The following CDH1 variants were observed in gnomAD, a reference collection of about 807,000 sequenced individuals.
CDH1 encodes the protein cadherin-1.
Under a neutral mutation model 84.5 loss-of-function variants are expected in CDH1, and 35 were observed. The observed-to-expected ratio is 0.41, with a 90% CI of 0.32 to 0.55. The LOEUF is 0.55. Among genes scored for constraint, CDH1 ranks in the 20% least tolerant of loss-of-function variants. CDH1 has a pLI of 0.19. For synonymous variants in CDH1, 417 were observed against 439.0 expected (o/e 0.95, Z 0.63); for missense variants, 994 against 1,126.6 (o/e 0.88, Z 1.68).
At chr16:68,808,356 TG>T (rs2152129482) in intron 3 of CDH1, 67 bp from the exon 4 acceptor site, 3 of 1,551,990 alleles carry the variant, frequency 1.9e-6, no homozygotes, top group Non-Finnish European at 2.7e-6. Context: ...CTGGCTAGGT[TG>T]GACTGTTAGA....
intron 2 of CDH1, among the ~76,000 whole-genome samples, chr16:68,793,679 G>A (rs1048883891): frequency 2.6e-5 from 4 of 152,196 alleles, no homozygotes; most frequent in South Asian, 2.1e-4. Context: ...ATCACCTGAG[G>A]CCAGGAGTTT....
intron 8 of CDH1, 50 bp from the exon 9 acceptor site, chr16:68,813,263 C>T (rs2152133207): frequency 5.7e-6 from 9 of 1,581,824 alleles, no homozygotes; most frequent in Non-Finnish European, 7.8e-6. Flanking sequence ...AGACTCAGCT[C>T]TGCTAGCAGT....
chr16:68,779,640 C>T (rs1452084854), intron 2 of CDH1, among the ~76,000 whole-genome samples: 1 of 152,160 alleles, frequency 6.6e-6, no homozygotes, highest in Non-Finnish European at 1.5e-5. Context: ...AGGAGGATCA[C>T]AAAGTCAAGA....
intron 2 of CDH1, among the ~76,000 whole-genome samples, chr16:68,791,176 A>G (rs1183847625): frequency 1.3e-5 from 2 of 152,154 alleles, no homozygotes; most frequent in African/African-American, 2.4e-5. Context: ...GTATGCACAC[A>G]GTAGGTGTGC....
At chr16:68,777,247 G>A (rs925342660) in intron 2 of CDH1, among the ~76,000 whole-genome samples, 10 of 152,206 alleles carry the variant, frequency 6.6e-5, no homozygotes, top group African/African-American at 2.2e-4. Context: ...CAGACGGCCT[G>A]TGCTTGCTCG....
intron 13 of CDH1, 144 bp downstream of exon 13, chr16:68,823,770 A>G (rs966150238): frequency 2.2e-5 from 14 of 649,872 alleles, no homozygotes; most frequent in Non-Finnish European, 3.2e-5. Flanking sequence ...GCCAGCCTCC[A>G]TAAAATAGAA....
intron 12 of CDH1, 72 bp downstream of exon 12, chr16:68,822,297 T>G: frequency 9.8e-7 from 1 of 1,021,690 alleles, no homozygotes; most frequent in Non-Finnish European, 1.5e-6. Flanking sequence ...ATCCCCACCT[T>G]TCAATTTCCC....
chr16:68,818,849 C>CAAA (rs758115524), intron 10 of CDH1, among the ~76,000 whole-genome samples: 2,022 of 72,406 alleles, frequency 0.028, 37 homozygotes, highest in East Asian at 0.079. Context: ...GACTCCGTCT[C>CAAA]AAAAAAAAAA....
chr16:68,829,568 C>A (rs1487850724), intron 14 of CDH1, 86 bp from the exon 15 acceptor site: 1 of 1,341,060 alleles, frequency 7.5e-7, no homozygotes, highest in Non-Finnish European at 1.1e-6. Flanking sequence ...CATCATCCAA[C>A]CATAATCTAT....
intron 2 of CDH1, among the ~76,000 whole-genome samples, chr16:68,782,509 C>T (rs1288939700): frequency 6.6e-6 from 1 of 152,202 alleles, no homozygotes; most frequent in Non-Finnish European, 1.5e-5. Flanking sequence ...GAAGTTAACA[C>T]AGCTAGTCAG....
At chr16:68,769,925 C>T (rs1373749643) in intron 2 of CDH1, among the ~76,000 whole-genome samples, 3 of 151,332 alleles carry the variant, frequency 2.0e-5, no homozygotes, top group Non-Finnish European at 2.9e-5. Context: ...TCATGATCTG[C>T]CCACCTCGGC....
At chr16:68,750,912 C>T (rs966893939) in intron 2 of CDH1, among the ~76,000 whole-genome samples, 1 of 151,946 alleles carries the variant, frequency 6.6e-6, no homozygotes, top group Non-Finnish European at 1.5e-5. Flanking sequence ...GCTATATTGC[C>T]CAGACTGGTC....
At chr16:68,791,131 C>T (rs892228370) in intron 2 of CDH1, among the ~76,000 whole-genome samples, 1 of 152,108 alleles carries the variant, frequency 6.6e-6, no homozygotes, top group Non-Finnish European at 1.5e-5. Flanking sequence ...GTGGCTGGAT[C>T]TTCAGTACTA....
chr16:68,831,069 CTTTTTTT>C (rs1157074539), intron 15 of CDH1, among the ~76,000 whole-genome samples: 12 of 80,288 alleles, frequency 1.5e-4, no homozygotes, highest in South Asian at 8.9e-4. Context: ...CTTTAGCTTT[CTTTTTTT>C]TTTTTTTTTT....
chr16:68,761,603 A>G (rs762063779), intron 2 of CDH1, among the ~76,000 whole-genome samples: 9 of 152,194 alleles, frequency 5.9e-5, no homozygotes, highest in Admixed American at 2.0e-4. Flanking sequence ...TATTTAGAGC[A>G]CTGAGTGGAG....
intron 2 of CDH1, chr16:68,771,016 G>C (rs1046712527): frequency 1.3e-5 from 2 of 151,592 alleles, no homozygotes; most frequent in African/African-American, 4.8e-5. Flanking sequence ...TTCCCCGCCA[G>C]TGGAGGAGGC....
At position 68,786,220 on chromosome 16, in the gene CDH1, G is replaced by A. The variant is rs930275819; in HGVS notation, c.164-15450G>A. On this transcript the variant is annotated intron_variant, in intron 2 of 15. Coordinates refer to ENST00000261769, the MANE Select transcript of CDH1 (RefSeq NM_004360.5). ...AGAGTCTTGCTCTGTCGCCCAGGCC[G>A]GAGTGCAGTGATGCGATATTGGCTC... 9.2e-5 allele frequency among the ~76,000 whole-genome samples: 14 copies of A among 151,740 alleles called. No homozygotes were observed. The East Asian group carries it at 9.6e-4, about 10-fold the overall frequency.
chr16:68,763,379 C>A (rs991061793), intron 2 of CDH1: 1 of 152,234 alleles, frequency 6.6e-6, no homozygotes, highest in Non-Finnish European at 1.5e-5. Context: ...GGGACAGGAG[C>A]CTTGGGAGTG....
chr16:68,808,601 G>A (rs1213849763), intron 4 of CDH1, 34 bp downstream of exon 4: 1 of 1,613,814 alleles, frequency 6.2e-7, no homozygotes, highest in Non-Finnish European at 8.5e-7. Context: ...CTCTGGGAGG[G>A]ATTTGGCAGA....
Sources: allele counts gnomAD v4.1 joint callset (sites outside exome capture counted in the v4.1 genomes callset), GRCh38; gene constraint gnomAD v4.1.1; transcripts MANE v1.5; gene names NCBI Gene and HGNC (gene_info 2026-07-23, HGNC 2026-07-21).